SLC25A21: variants seen among roughly 807,000 people sequenced by gnomAD.
SLC25A21 encodes solute carrier family 25 member 21, also known as mitochondrial 2-oxodicarboxylate carrier.
In SLC25A21, 47 loss-of-function variants were observed where a neutral mutation model predicts 43.8. The observed-to-expected ratio is 1.07, with a 90% CI of 0.85 to 1.37. The LOEUF (loss-of-function observed/expected upper bound fraction) is 1.37. SLC25A21 is among the 40% of genes most tolerant of loss of function. The pLI is 0.00. For synonymous variants in SLC25A21, 131 were observed against 121.3 expected, an observed-to-expected ratio of 1.08 and a Z score of -0.52; for missense variants, 352 against 350.2, an observed-to-expected ratio of 1.00 and a Z score of -0.04.
At chr14:36,891,682 C>A (rs1189099136) in intron 1 of SLC25A21, among the ~76,000 whole-genome samples, 1 of 152,034 alleles carries the variant, frequency 6.6e-6, no homozygotes, top group Admixed American at 6.6e-5. Flanking sequence ...TGGCGTTTCC[C>A]AGAATCTCTT....
At chr14:36,920,667 G>A (rs1257686815) in intron 1 of SLC25A21, among the ~76,000 whole-genome samples, 1 of 151,908 alleles carries the variant, frequency 6.6e-6, no homozygotes, top group Non-Finnish European at 1.5e-5. Flanking sequence ...CTCCATTCTT[G>A]CAATTTGGGT....
rs977656309 is a variant in SLC25A21 at position 36,679,752 on chromosome 14, C to G, written c.*906G>C. 1 of 985,240 alleles carries G rather than the reference C, an allele frequency of 1.0e-6. No individual in the cohort carries two copies. Among genetic ancestry groups the G allele is most frequent in the Non-Finnish European group, 1.2e-6 (1 of 829,902 alleles). The allele number at this position is 985,240 out of a possible 1,614,324, so 61.0% of individuals were successfully genotyped here. ...CCTAAAAATGGCACAGGTAGGCATG[C>G]TGAATAAAGGTATTTGGATGCAAAT... On this transcript the variant is annotated 3_prime_UTR_variant, in exon 10 of 10. Transcript: ENST00000331299.
intron 1 of SLC25A21, among the ~76,000 whole-genome samples, chr14:36,927,742 A>T (rs1892170023): frequency 1.3e-5 from 2 of 152,160 alleles, no homozygotes; most frequent in South Asian, 4.1e-4. Context: ...CAGGGCCCTC[A>T]CCTAATTCAA....
chr14:37,172,260 G>A (rs2138965652), intron 1 of SLC25A21, 21 bp downstream of exon 1: 3 of 1,576,242 alleles, frequency 1.9e-6, no homozygotes, highest in Middle Eastern at 3.5e-4. Flanking sequence ...CCTCCGGCGG[G>A]GCAGGGCGGG....
chr14:36,963,579 A>G (rs1959546032), intron 1 of SLC25A21, among the ~76,000 whole-genome samples: 1 of 152,184 alleles, frequency 6.6e-6, no homozygotes, highest in Admixed American at 6.5e-5. Flanking sequence ...GAACCTTCTC[A>G]GTAGAAGGAA....
chr14:37,027,007 C>G (rs1961106488), intron 1 of SLC25A21, among the ~76,000 whole-genome samples: 1 of 152,202 alleles, frequency 6.6e-6, no homozygotes, highest in East Asian at 1.9e-4. Flanking sequence ...TAACAGCAAT[C>G]TTAGGAAATT....
At chr14:37,050,184 T>C (rs1961674570) in intron 1 of SLC25A21, among the ~76,000 whole-genome samples, 1 of 152,152 alleles carries the variant, frequency 6.6e-6, no homozygotes, top group South Asian at 2.1e-4. Flanking sequence ...TATTTATGAG[T>C]GCAAAAATGC....
At chr14:36,899,765 G>C (rs965458502) in intron 1 of SLC25A21, among the ~76,000 whole-genome samples, 2 of 152,152 alleles carry the variant, frequency 1.3e-5, no homozygotes, top group African/African-American at 4.8e-5. Flanking sequence ...TTCCACTGCA[G>C]GGTTTAATTT....
intron 1 of SLC25A21, among the ~76,000 whole-genome samples, chr14:37,160,725 T>C (rs1229971813): frequency 6.6e-6 from 1 of 151,488 alleles, no homozygotes; most frequent in Non-Finnish European, 1.5e-5. Context: ...AGGTCAGGAG[T>C]TCGAGACCAG....
chr14:36,814,377 A>ATCT (rs34021955), intron 2 of SLC25A21, among the ~76,000 whole-genome samples: 1 of 1,048 alleles, frequency 9.5e-4, no homozygotes, highest in African/African-American at 1.1e-3. Flanking sequence ...GCTATTTCTT[A>ATCT]TAAGTCTTCC....
intron 1 of SLC25A21, among the ~76,000 whole-genome samples, chr14:36,892,722 C>A (rs554126285): frequency 6.6e-6 from 1 of 152,124 alleles, no homozygotes; most frequent in South Asian, 2.1e-4. Context: ...CAACTGGCCC[C>A]GGTGTGTGAT....
rs145255946 is a variant in SLC25A21, at chr14:36,885,422, G to A, written c.71-10418C>T. On this transcript the variant is annotated intron_variant, in intron 1 of 9. Transcript: ENST00000331299. The stretch of plus-strand genomic sequence containing the variant: ...GATGCCTTCAGCGTCATGTTTGCTC[G>A]AGGTTTGCTTTGGATATTCAGGGTC... Among the ~76,000 whole-genome samples, 405 of 152,256 alleles carry A rather than the reference G, an allele frequency of 2.7e-3. 2 individuals carry two copies. The highest frequency in any genetic ancestry group is 9.5e-3 in the African/African-American group (393 of 41,570).
intron 2 of SLC25A21, among the ~76,000 whole-genome samples, chr14:36,826,980 A>AGGATGG (rs1888856918): frequency 6.6e-6 from 1 of 152,216 alleles, no homozygotes; most frequent in Admixed American, 6.5e-5. Flanking sequence ...ACTTTGGATG[A>AGGATGG]GGATGGGGAT....
At chr14:36,897,148 C>G (rs377676595) in intron 1 of SLC25A21, among the ~76,000 whole-genome samples, 2 of 152,154 alleles carry the variant, frequency 1.3e-5, no homozygotes, top group African/African-American at 4.8e-5. Flanking sequence ...CAACTTGGTT[C>G]CATTCTCCCC....
At chr14:36,707,867 A>T (rs1408633237) in intron 7 of SLC25A21, among the ~76,000 whole-genome samples, 2 of 152,240 alleles carry the variant, frequency 1.3e-5, no homozygotes, top group Admixed American at 1.3e-4. Context: ...GCTCATGCCC[A>T]TAATCCCAGC....
intron 1 of SLC25A21, among the ~76,000 whole-genome samples, chr14:37,057,940 T>C (rs941810027): frequency 2.0e-5 from 3 of 152,184 alleles, no homozygotes; most frequent in Non-Finnish European, 2.9e-5. Flanking sequence ...CCAGAATGGT[T>C]TGCATTTTTA....
intron 1 of SLC25A21, among the ~76,000 whole-genome samples, chr14:36,958,214 C>T (rs144002109): frequency 6.6e-6 from 1 of 152,226 alleles, no homozygotes; most frequent in African/African-American, 2.4e-5. Context: ...TGCCTAACTG[C>T]CTATGAACCA....
intron 1 of SLC25A21, among the ~76,000 whole-genome samples, chr14:37,036,066 C>T (rs1411281320): frequency 6.6e-6 from 1 of 152,130 alleles, no homozygotes; most frequent in Admixed American, 6.5e-5. Flanking sequence ...ATTTTTATGG[C>T]TTTTACTCCC....
intron 1 of SLC25A21, among the ~76,000 whole-genome samples, chr14:37,064,473 TAC>T (rs112494362): frequency 0.048 from 7,316 of 152,178 alleles, 219 homozygotes; most frequent in African/African-American, 0.08. Context: ...AGAACCCTAA[TAC>T]AGTCACCATC....
Sources: gnomAD v4.1 joint callset for allele counts (sites outside exome capture counted in the v4.1 genomes callset) on GRCh38, gnomAD v4.1.1 for gene constraint, MANE v1.5 for transcripts, NCBI Gene and HGNC (gene_info 2026-07-23, HGNC 2026-07-21) for gene names.